GATB: variants seen among roughly 807,000 people sequenced by gnomAD.
The protein encoded by GATB is glutamyl-tRNA amidotransferase subunit B, also known as glutamyl-tRNA(Gln) amidotransferase subunit B, mitochondrial.
Under a neutral mutation model 62.3 loss-of-function variants are expected in GATB, and 39 were observed. The observed-to-expected ratio is 0.63, with a 90% confidence interval of 0.48 to 0.82. GATB has a LOEUF of 0.82. GATB is among the 40% of genes least tolerant of loss of function. GATB has a pLI of 0.00. For missense variants in GATB, 670 were observed against 684.0 expected (o/e 0.98, Z 0.23); for synonymous variants, 276 against 258.9 (o/e 1.07, Z -0.63).
intron 2 of GATB, among the ~76,000 whole-genome samples, chr4:151,736,678 C>G (rs147300223): frequency 6.6e-6 from 1 of 152,202 alleles, no homozygotes; most frequent in African/African-American, 2.4e-5. Flanking sequence ...AACATGAGTA[C>G]TGATATGGTT....
At chr4:151,727,801 T>C (rs1378647708) in intron 2 of GATB, among the ~76,000 whole-genome samples, 3 of 152,180 alleles carry the variant, frequency 2.0e-5, no homozygotes, top group Admixed American at 6.5e-5. Context: ...ACTTCACACA[T>C]AGCAGACACT....
chr4:151,756,162 G>C (rs1739824603), intron 2 of GATB, among the ~76,000 whole-genome samples: 1 of 152,218 alleles, frequency 6.6e-6, no homozygotes, highest in African/African-American at 2.4e-5. Flanking sequence ...TGCGCAGAAA[G>C]AGTTTCAAGT....
At chr4:151,738,208 A>G (rs539262387) in intron 2 of GATB, among the ~76,000 whole-genome samples, 1 of 152,264 alleles carries the variant, frequency 6.6e-6, no homozygotes, top group South Asian at 2.1e-4. Context: ...GCTGCCCAAG[A>G]CCATGGGAAC....
intron 2 of GATB, among the ~76,000 whole-genome samples, chr4:151,737,905 T>C (rs930256986): frequency 5.9e-5 from 9 of 152,200 alleles, no homozygotes; most frequent in Middle Eastern, 3.4e-3. Flanking sequence ...AGACGATGTA[T>C]AGAAATGCCT....
intron 2 of GATB, among the ~76,000 whole-genome samples, chr4:151,750,240 G>A (rs1319024445): frequency 6.6e-6 from 1 of 152,184 alleles, no homozygotes; most frequent in African/African-American, 2.4e-5. Context: ...AACTGATCAT[G>A]AAAAGCAGCA....
At chr4:151,678,015 G>A (rs1438915104) in intron 11 of GATB, 15 of 151,326 alleles carry the variant, frequency 9.9e-5, no homozygotes, top group Admixed American at 9.9e-4. Flanking sequence ...GAGAATCTTT[G>A]TTTTTCTACA....
chr4:151,757,108 G>A (rs1018173929), intron 2 of GATB, among the ~76,000 whole-genome samples: 6 of 152,088 alleles, frequency 3.9e-5, no homozygotes, highest in African/African-American at 1.4e-4. Flanking sequence ...GCCCAAAAAA[G>A]ATGTCATATA....
intron 9 of GATB, among the ~76,000 whole-genome samples, chr4:151,693,099 A>C (rs1738399217): frequency 6.6e-6 from 1 of 152,218 alleles, no homozygotes; most frequent in South Asian, 2.1e-4. Context: ...CAACGCAGGC[A>C]CTGCTGCTTT....
At chr4:151,723,809 T>A (rs1279024279) in intron 2 of GATB, 2 of 152,084 alleles carry the variant, frequency 1.3e-5, no homozygotes, top group African/African-American at 4.8e-5. Flanking sequence ...AATCAGAAGA[T>A]GAGAAAGCTG....
intron 10 of GATB, among the ~76,000 whole-genome samples, chr4:151,682,564 AGAG>A (rs772473562): frequency 1.3e-5 from 2 of 152,210 alleles, no homozygotes; most frequent in African/African-American, 4.8e-5. Context: ...GCGGTTCGAC[AGAG>A]GAGGGGAAAG....
chr4:151,745,249 TC>T (rs1739572025), intron 2 of GATB, among the ~76,000 whole-genome samples: 1 of 152,242 alleles, frequency 6.6e-6, no homozygotes, highest in African/African-American at 2.4e-5. Flanking sequence ...TAAAGACTTT[TC>T]CCTAATGATG....
At chr4:151,759,850 T>C (rs902166295) in intron 1 of GATB, among the ~76,000 whole-genome samples, 1 of 152,126 alleles carries the variant, frequency 6.6e-6, no homozygotes, top group Non-Finnish European at 1.5e-5. Flanking sequence ...TTTCAACATA[T>C]AAAGTTCTAT....
chr4:151,744,072 A>G (rs970766195), intron 2 of GATB, among the ~76,000 whole-genome samples: 1 of 152,236 alleles, frequency 6.6e-6, no homozygotes, highest in African/African-American at 2.4e-5. Context: ...ACACCTCAAT[A>G]GACCTTGAAG....
Position 151,731,255 on chromosome 4 carries a change from C to T in GATB, c.328-11717G>A, listed in dbSNP as rs182198514. 4.0e-3 allele frequency among the ~76,000 whole-genome samples: 607 copies of T among 152,284 alleles called. 15 individuals are homozygous for T. In the East Asian group the frequency reaches 0.076, roughly 19 times the overall value. On this transcript the variant is annotated intron_variant, in intron 2 of 12. Transcript: ENST00000263985. ...TCAGCCTGCCGAGTGCCTGCCATTGCGGGCGCGCGCCGCCACGCCTGACTG... is the reference window on the plus strand; with the variant it reads ...TCAGCCTGCCGAGTGCCTGCCATTGTGGGCGCGCGCCGCCACGCCTGACTG...
In GATB at chr4:151,722,323, C is replaced by T. The variant is rs75675533; in HGVS notation, c.328-2785G>A. 4.9e-5 allele frequency: 32 copies of T among 653,352 alleles called. No homozygotes were observed. In the East Asian group the frequency reaches 8.2e-4, roughly 17 times the overall value. 40.5% of individuals were successfully genotyped at this position (653,352 alleles called of 1,614,324 possible). On this transcript the variant is annotated intron_variant, in intron 2 of 12. Transcript: ENST00000263985. ...ATGAATCCGCAGTGGTGACATGAAC[C>T]TGCCAGCATCTGCAAACCCTTTTCA...
chr4:151,750,553 G>A (rs1185541192), intron 2 of GATB, among the ~76,000 whole-genome samples: 2 of 152,146 alleles, frequency 1.3e-5, no homozygotes, highest in Admixed American at 1.3e-4. Flanking sequence ...ACTGAGATAA[G>A]TTACAAGATA....
intron 2 of GATB, among the ~76,000 whole-genome samples, chr4:151,738,977 C>G (rs1739431014): frequency 6.6e-6 from 1 of 152,156 alleles, no homozygotes; most frequent in Non-Finnish European, 1.5e-5. Flanking sequence ...GGTTGGAGCC[C>G]CTGACCTTGC....
chr4:151,741,435 A>G (rs1161557833), intron 2 of GATB, among the ~76,000 whole-genome samples: 1 of 152,228 alleles, frequency 6.6e-6, no homozygotes, highest in Non-Finnish European at 1.5e-5. Context: ...ATTTTGCTCC[A>G]TATCTCATCC....
intron 11 of GATB, chr4:151,674,684 C>G (rs4696284): frequency 0.59 from 90,450 of 152,150 alleles, 29,293 homozygotes; most frequent in African/African-American, 0.87. Flanking sequence ...ATAAAAAGAT[C>G]TAGCTAGTAT....
Sources: allele counts gnomAD v4.1 joint callset (sites outside exome capture counted in the v4.1 genomes callset), GRCh38; gene constraint gnomAD v4.1.1; transcripts MANE v1.5; gene names NCBI Gene and HGNC (gene_info 2026-07-23, HGNC 2026-07-21).